The following ERG variants were observed in gnomAD, a reference collection of about 807,000 sequenced individuals.
The protein encoded by ERG is transcriptional regulator ERG.
In ERG, 9 loss-of-function variants were observed where a neutral mutation model predicts 55.3. The ratio of observed to expected loss-of-function variants is 0.16; its 90% CI spans 0.10 to 0.28. ERG has a LOEUF of 0.28. Among genes scored for constraint, ERG ranks in the 10% least tolerant of loss-of-function variants. The pLI is 1.00. For synonymous variants in ERG, 223 were observed against 237.3 expected, an observed-to-expected ratio of 0.94 and a Z score of 0.55; for missense variants, 434 against 631.6, an observed-to-expected ratio of 0.69 and a Z score of 3.35.
At chr21:38,587,831 C>G (rs1227050263), upstream of ERG, among the ~76,000 whole-genome samples, 2 of 152,164 alleles carry the variant, frequency 1.3e-5, no homozygotes, top group Non-Finnish European at 2.9e-5. Context: ...CTATGCTATT[C>G]TATAGTAGGT....
intron 3 of ERG, among the ~76,000 whole-genome samples, chr21:38,422,349 C>T (rs1407914729): frequency 6.6e-6 from 1 of 152,220 alleles, no homozygotes; most frequent in Non-Finnish European, 1.5e-5. Flanking sequence ...AGATTTAATC[C>T]AATGCCAACA....
intron 2 of ERG, among the ~76,000 whole-genome samples, chr21:38,520,184 A>G (rs1038455729): frequency 1.3e-5 from 2 of 152,180 alleles, no homozygotes; most frequent in African/African-American, 2.4e-5. Context: ...ACTGCAAGGA[A>G]GGAACACAGA....
At chr21:38,588,318 C>G (rs528101551), upstream of ERG, among the ~76,000 whole-genome samples, 1 of 140,656 alleles carries the variant, frequency 7.1e-6, no homozygotes, top group East Asian at 2.1e-4. Flanking sequence ...AGACACCCCC[C>G]ACCACCACCA....
chr21:38,442,252 G>A (rs113483782), intron 2 of ERG, among the ~76,000 whole-genome samples: 8,413 of 152,266 alleles, frequency 0.055, 311 homozygotes, highest in South Asian at 0.11. Flanking sequence ...AATTTAGCCA[G>A]GCATGGTGGC....
chr21:38,516,468 CACAA>C (rs1313241185), intron 2 of ERG, among the ~76,000 whole-genome samples: 12 of 151,758 alleles, frequency 7.9e-5, no homozygotes, highest in African/African-American at 2.4e-4. Context: ...TGGAAAAGGA[CACAA>C]ACAAATGAAA....
chr21:38,614,501 G>A (rs1283727854), intron 1 of ERG, among the ~76,000 whole-genome samples: 4 of 152,098 alleles, frequency 2.6e-5, no homozygotes, highest in East Asian at 1.9e-4. Flanking sequence ...TTGGGACCAC[G>A]CAGATGAAAC....
At chr21:38,424,760 T>A (rs1989740914) in intron 2 of ERG, among the ~76,000 whole-genome samples, 1 of 152,120 alleles carries the variant, frequency 6.6e-6, no homozygotes, top group Non-Finnish European at 1.5e-5. Flanking sequence ...AGACTCACAG[T>A]GTTCCAGGCT....
chr21:38,625,667 G>C (rs2060319906), intron 1 of ERG, among the ~76,000 whole-genome samples: 1 of 152,150 alleles, frequency 6.6e-6, no homozygotes, highest in Admixed American at 6.5e-5. Context: ...GAAGTCCCAA[G>C]CCAGCCTGAC....
Position 38,380,949 on chromosome 21 carries a change from T to C in ERG, c.*2454A>G, listed in dbSNP as rs915367136. 1 of 1,065,106 alleles carries C rather than the reference T, an allele frequency of 9.4e-7. No individual in the cohort carries two copies. The highest frequency in any genetic ancestry group is 1.1e-6 in the Non-Finnish European group (1 of 879,224). The allele number at this position is 1,065,106 out of a possible 1,614,324, so 66.0% of individuals were successfully genotyped here. A position where few individuals can be genotyped will look rare whatever the true frequency, so the allele number is the denominator to read the frequency against. On this transcript the variant is annotated 3_prime_UTR_variant, in exon 10 of 10. Transcript: ENST00000288319. ...TCCAAAATAAAAATGACTGATCTTT[T>C]CCATTAGCACAGTTTGGGTCAGCCT...
intron 1 of ERG, among the ~76,000 whole-genome samples, chr21:38,651,457 C>T (rs1000168993): frequency 6.6e-5 from 10 of 152,092 alleles, no homozygotes; most frequent in African/African-American, 1.4e-4. Context: ...CAGATGGAGA[C>T]GTGCTGTAAA....
chr21:38,553,970 C>T (rs1368193144), intron 2 of ERG, among the ~76,000 whole-genome samples: 2 of 150,008 alleles, frequency 1.3e-5, no homozygotes, highest in Non-Finnish European at 3.0e-5. Flanking sequence ...TAAAAAAAAA[C>T]TTAAGCAAAT....
intron 1 of ERG, among the ~76,000 whole-genome samples, chr21:38,457,334 G>A (rs1165161086): frequency 6.6e-6 from 1 of 152,062 alleles, no homozygotes; most frequent in Non-Finnish European, 1.5e-5. Context: ...TACTCAGGAG[G>A]CTGAGGCAGG....
rs200220847 is a variant in ERG at position 38,383,526 on chromosome 21, G to A, written c.1317C>T (p.Pro439=). The change falls in exon 10 of 10, where the codon CCC becomes CCT. Residue 439 remains proline (P), a synonymous_variant. Transcript: ENST00000288319. The surrounding 1 kb of genome is among the most constrained non-coding windows in gnomAD (Gnocchi z 5.7). ...NFVAPHPPAL[P]VTSSSFFAAP... is the part of the protein sequence containing the mutation. ...CAGCAAAAAAACTGGAAGATGTCAC[G>A]GGGAGGGCTGGAGGGTGGGGCGCCA... The A allele has an allele frequency of 5.7e-6, 9 of 1,569,560 alleles. No individual in the cohort carries two copies. The highest frequency in any genetic ancestry group is 5.4e-5 in the African/African-American group (4 of 74,126).
rs879396506 is a variant in ERG, at chr21:38,569,169, TC to T, written c.-41+6492del. ...GTGTCTTTTTGATCCCTTCTCTCCC[TC>T]CCCCCCCACCCCCAGTGGGGTACAT... On this transcript the variant is annotated intron_variant, in intron 2 of 8. Transcript: ENST00000398897. Among the ~76,000 whole-genome samples, 299 of 151,004 alleles carry T rather than the reference TC, an allele frequency of 2.0e-3. 3 individuals carry two copies. The highest frequency in any genetic ancestry group is 3.4e-3 in the Admixed American group (51 of 15,132).
intron 3 of ERG, among the ~76,000 whole-genome samples, chr21:38,405,071 A>C (rs1988700058): frequency 1.3e-5 from 2 of 152,202 alleles, no homozygotes; most frequent in Non-Finnish European, 2.9e-5. Context: ...GTCCAGTAGA[A>C]TCTACCTTTC....
chr21:38,659,625 T>C (rs1183703875), intron 1 of ERG, among the ~76,000 whole-genome samples: 2 of 152,238 alleles, frequency 1.3e-5, no homozygotes, highest in Non-Finnish European at 2.9e-5. Context: ...TTTTCTGAAC[T>C]ACAAAAGCTA....
chr21:38,572,307 G>A (rs1327148787), intron 2 of ERG, among the ~76,000 whole-genome samples: 1 of 147,910 alleles, frequency 6.8e-6, no homozygotes, highest in Non-Finnish European at 1.5e-5. Context: ...GGCAGAGGTT[G>A]CAGCAAGCCA....
chr21:38,583,176 T>C (rs2060040530), intron 1 of ERG, among the ~76,000 whole-genome samples: 1 of 152,214 alleles, frequency 6.6e-6, no homozygotes, highest in East Asian at 1.9e-4. Flanking sequence ...CAAATCAGTC[T>C]TTCACCAGCA....
chr21:38,592,006 T>C (rs1476286319), intron 1 of ERG, among the ~76,000 whole-genome samples: 2 of 152,210 alleles, frequency 1.3e-5, no homozygotes, highest in Non-Finnish European at 2.9e-5. Context: ...AGGACGTTAC[T>C]GTCTGGGGAA....
Sources: allele counts gnomAD v4.1 joint callset (sites outside exome capture counted in the v4.1 genomes callset), GRCh38; gene constraint gnomAD v4.1.1; non-coding constraint Gnocchi (gnomAD v3.1); transcripts MANE v1.5; gene names NCBI Gene and HGNC (gene_info 2026-07-23, HGNC 2026-07-21).